ITFG1: variants seen among roughly 807,000 people sequenced by gnomAD.
ITFG1 encodes integrin alpha FG-GAP repeat containing 1.
In ITFG1, 34 loss-of-function variants were observed where a neutral mutation model predicts 81.8. That is an observed-to-expected ratio of 0.42 (90% CI 0.32 to 0.55). The LOEUF is 0.55. ITFG1 is among the 20% of genes least tolerant of loss of function. The probability of loss-of-function intolerance (pLI) is 0.17; values close to 1 mark genes in which losing one functional copy is unlikely to be tolerated. For missense variants in ITFG1, 672 were observed against 755.4 expected, an observed-to-expected ratio of 0.89 and a Z score of 1.29; for synonymous variants, 285 against 270.6, an observed-to-expected ratio of 1.05 and a Z score of -0.52.
intron 5 of ITFG1, chr16:47,450,374 T>A (rs1024290070): frequency 3.4e-6 from 1 of 295,776 alleles, no homozygotes; most frequent in African/African-American, 2.3e-5. Flanking sequence ...ATAGGTGATC[T>A]CCCATCCAAG....
intron 6 of ITFG1, among the ~76,000 whole-genome samples, chr16:47,413,508 A>G (rs1252563393): frequency 2.0e-5 from 3 of 152,310 alleles, no homozygotes; most frequent in African/African-American, 7.2e-5. Flanking sequence ...TTGCCTGGGC[A>G]ACACGGAGAA....
At chr16:47,406,076 T>G (rs1249206170) in intron 6 of ITFG1, among the ~76,000 whole-genome samples, 1 of 152,236 alleles carries the variant, frequency 6.6e-6, no homozygotes, top group Non-Finnish European at 1.5e-5. Flanking sequence ...GAGAACATAA[T>G]GATAATATCA....
At position 47,155,642 on chromosome 16, in the gene ITFG1, C is replaced by A; in HGVS notation, c.*77G>T. ...CATTTATAAATAATATTTAATCTCC[C>A]CTATTTTTTCAAGCCAGAATTTGTG... On this transcript the variant is annotated 3_prime_UTR_variant, in exon 18 of 18. Transcript: ENST00000320640. 1.2e-6 allele frequency: 1 copy of A among 850,292 alleles called. No individual in the cohort carries two copies. The highest frequency in any genetic ancestry group is 1.7e-5 in the African/African-American group (1 of 57,796). The allele number at this position is 850,292 out of a possible 1,614,324, so 52.7% of individuals were successfully genotyped here.
chr16:47,259,600 C>G (rs538329107), intron 11 of ITFG1, among the ~76,000 whole-genome samples: 1 of 152,024 alleles, frequency 6.6e-6, no homozygotes, highest in Non-Finnish European at 1.5e-5. Context: ...AAAATAAAAT[C>G]AAAAATGGGG....
At chr16:47,425,146 C>T (rs1969003128) in intron 6 of ITFG1, among the ~76,000 whole-genome samples, 1 of 152,146 alleles carries the variant, frequency 6.6e-6, no homozygotes, top group Admixed American at 6.6e-5. Flanking sequence ...CAAGCCACAG[C>T]AATGGTGGAT....
intron 2 of ITFG1, among the ~76,000 whole-genome samples, chr16:47,456,692 TA>T (rs550072378): frequency 4.1e-3 from 390 of 95,014 alleles, no homozygotes; most frequent in Middle Eastern, 6.3e-3. Flanking sequence ...ACTCTGTCTC[TA>T]AAAAAAAAAA....
intron 2 of ITFG1, among the ~76,000 whole-genome samples, chr16:47,458,879 A>G (rs1969485727): frequency 6.6e-6 from 1 of 152,110 alleles, no homozygotes; most frequent in Non-Finnish European, 1.5e-5. Context: ...GGGTGTTTAT[A>G]TAGAAACAAA....
At chr16:47,314,632 TC>T (rs1373876771) in intron 8 of ITFG1, among the ~76,000 whole-genome samples, 1 of 152,190 alleles carries the variant, frequency 6.6e-6, no homozygotes, top group Non-Finnish European at 1.5e-5. Flanking sequence ...TAGTGCTCTC[TC>T]CCATCTAATG....
intron 8 of ITFG1, among the ~76,000 whole-genome samples, chr16:47,315,768 C>CATATATATATAT (rs546244760): frequency 4.8e-5 from 7 of 144,538 alleles, no homozygotes; most frequent in Middle Eastern, 6.9e-3. Context: ...TTCTAAATGC[C>CATATATATATAT]ATATATATAT....
At chr16:47,325,032 T>A (rs1383088244) in intron 8 of ITFG1, among the ~76,000 whole-genome samples, 1 of 152,106 alleles carries the variant, frequency 6.6e-6, no homozygotes, top group Non-Finnish European at 1.5e-5. Flanking sequence ...GAATATACAT[T>A]CTTTTCAGCA....
chr16:47,173,778 C>T (rs766342370), intron 14 of ITFG1, among the ~76,000 whole-genome samples: 30 of 152,262 alleles, frequency 2.0e-4, no homozygotes, highest in Non-Finnish European at 2.9e-4. Context: ...CAGTGGCTCA[C>T]GCCTATAATC....
At chr16:47,406,373 A>G (rs1442597983) in intron 6 of ITFG1, among the ~76,000 whole-genome samples, 1 of 152,242 alleles carries the variant, frequency 6.6e-6, no homozygotes, top group Non-Finnish European at 1.5e-5. Flanking sequence ...GGTTTTTAAA[A>G]GGAAGCTCAT....
At chr16:47,214,305 T>C (rs532811939) in intron 14 of ITFG1, among the ~76,000 whole-genome samples, 1 of 152,364 alleles carries the variant, frequency 6.6e-6, no homozygotes, top group African/African-American at 2.4e-5. Context: ...TTCTCAGATA[T>C]ATTAACAAAT....
chr16:47,229,148 G>T (rs370469792), intron 13 of ITFG1, among the ~76,000 whole-genome samples: 6 of 152,282 alleles, frequency 3.9e-5, no homozygotes, highest in Non-Finnish European at 8.8e-5. Flanking sequence ...ACTTAACACA[G>T]ATACTCACCC....
At chr16:47,342,144 A>C (rs1210991629) in intron 8 of ITFG1, among the ~76,000 whole-genome samples, 2 of 152,152 alleles carry the variant, frequency 1.3e-5, no homozygotes, top group African/African-American at 2.4e-5. Context: ...ATGCAAAAAA[A>C]CCCTCAGCAT....
intron 6 of ITFG1, among the ~76,000 whole-genome samples, chr16:47,401,866 G>GT (rs1044366159): frequency 1.8e-4 from 28 of 151,392 alleles, no homozygotes; most frequent in Admixed American, 1.5e-3. Context: ...GGTTCCTTTG[G>GT]TTTTTTTTCA....
At chr16:47,461,068 G>T (rs1025526349), upstream of ITFG1, 1 of 1,511,866 alleles carries the variant, frequency 6.6e-7, no homozygotes, top group South Asian at 1.2e-5. Flanking sequence ...GCCCCCGCCC[G>T]CCGGCCCAAC....
At chr16:47,181,520 A>G (rs887043595) in intron 14 of ITFG1, among the ~76,000 whole-genome samples, 6 of 81,398 alleles carry the variant, frequency 7.4e-5, no homozygotes, top group South Asian at 4.5e-4. Flanking sequence ...CAGCCCCCCC[A>G]CCCGGCCAGC....
chr16:47,455,211 A>G (rs1356339200), intron 2 of ITFG1, among the ~76,000 whole-genome samples: 3 of 152,210 alleles, frequency 2.0e-5, no homozygotes, highest in Non-Finnish European at 4.4e-5. Context: ...TAGGCAATAC[A>G]TTTCCAATTA....
Sources: allele counts gnomAD v4.1 joint callset (sites outside exome capture counted in the v4.1 genomes callset), GRCh38; gene constraint gnomAD v4.1.1; transcripts MANE v1.5; gene names NCBI Gene and HGNC (gene_info 2026-07-23, HGNC 2026-07-21).